Variants in KIAA0319L observed in about 807,000 individuals in gnomAD.
KIAA0319L encodes the protein dyslexia-associated protein KIAA0319-like protein.
A neutral mutation model predicts 120.1 loss-of-function variants in KIAA0319L; 55 were observed. That is an observed-to-expected ratio of 0.46 (90% CI 0.37 to 0.57). KIAA0319L has a LOEUF of 0.57. Among genes scored for constraint, KIAA0319L ranks in the 20% least tolerant of loss-of-function variants. KIAA0319L has a pLI of 0.00. For missense variants in KIAA0319L, 1,049 were observed against 1,255.3 expected, an observed-to-expected ratio of 0.84 and a Z score of 2.48; for synonymous variants, 398 against 471.9, an observed-to-expected ratio of 0.84 and a Z score of 2.03.
At chr1:35,511,575 A>C (rs1030278595) in intron 2 of KIAA0319L, 7 of 152,166 alleles carry the variant, frequency 4.6e-5, no homozygotes, top group African/African-American at 7.2e-5. Flanking sequence ...ACAAAAGATA[A>C]AAATTACTAA....
Position 35,442,313 on chromosome 1 carries a change from T to G in KIAA0319L, c.2803A>C (p.Ile935Leu), listed in dbSNP as rs1570609757. 4 of 1,613,816 alleles carry G rather than the reference T, an allele frequency of 2.5e-6. No homozygotes were observed. The East Asian group carries it at 8.9e-5, about 36-fold the overall frequency. ...GCAACAACAATGACAAAGGTAGCAA[T>G]GATAACATATAACACGCTCCACTCT... ...NCEWSVLYVI[I>L]ATFVIVVALG... The change falls in exon 19 of 21, where the codon ATT becomes CTT. Residue 935 changes from isoleucine (I) to leucine (L), a missense_variant. Physicochemically the swap from Ile to Leu is conservative, Grantham distance 5. Coordinates refer to ENST00000325722, the MANE Select transcript of KIAA0319L (RefSeq NM_024874.5).
intron 2 of KIAA0319L, among the ~76,000 whole-genome samples, chr1:35,544,600 A>G (rs1646914651): frequency 2.0e-5 from 3 of 152,198 alleles, no homozygotes; most frequent in Admixed American, 6.5e-5. Context: ...GTTCCCTAAC[A>G]TGTATATTCC....
chr1:35,449,795 G>T (rs1412997507), intron 15 of KIAA0319L, 72 bp downstream of exon 15: 2 of 1,536,146 alleles, frequency 1.3e-6, no homozygotes, highest in African/African-American at 2.7e-5. Context: ...CTCGGGGAAG[G>T]GGATCTCAGG....
intron 20 of KIAA0319L, among the ~76,000 whole-genome samples, chr1:35,438,381 A>G (rs1640946792): frequency 6.6e-6 from 1 of 152,088 alleles, no homozygotes; most frequent in Non-Finnish European, 1.5e-5. Context: ...TGGCCAGCAG[A>G]CCACTAACCT....
At chr1:35,470,809 G>C (rs1463626731) in intron 6 of KIAA0319L, 54 bp downstream of exon 6, 2 of 1,070,616 alleles carry the variant, frequency 1.9e-6, no homozygotes, top group African/African-American at 3.1e-5. Context: ...ATTCATTTTA[G>C]AAAACAGTCA....
chr1:35,456,212 G>A lies in KIAA0319L; in HGVS notation c.1457C>T (p.Thr486Ile). 6.2e-7 allele frequency: 1 copy of A among 1,604,538 alleles called. No homozygotes were observed. Among genetic ancestry groups the A allele is most frequent in the Non-Finnish European group, 8.5e-7 (1 of 1,174,484 alleles). Residue 486 changes from threonine (T) to isoleucine (I), a missense_variant, in exon 10 of 21, where the codon ACC (threonine) becomes ATC (isoleucine). Thr to Ile is a moderately conservative substitution (Grantham distance 89, BLOSUM62 -1). Coordinates refer to ENST00000325722, the MANE Select transcript of KIAA0319L (RefSeq NM_024874.5). The stretch of plus-strand genomic sequence containing the variant: ...TGTCAGGTTTGCAGTAGTAGAGTTG[G>A]TAGCTCCATCAGAGTCTACTACAGT... ...SLTVVDSDGA[T>I]NSTTANLTVN...
intron 6 of KIAA0319L, among the ~76,000 whole-genome samples, chr1:35,469,673 T>C (rs977330417): frequency 3.3e-5 from 5 of 151,910 alleles, no homozygotes; most frequent in East Asian, 3.9e-4. Context: ...CAAGGCTTCA[T>C]TGACCCTCTG....
chr1:35,510,627 G>T (rs552463543), intron 2 of KIAA0319L: 16 of 144,732 alleles, frequency 1.1e-4, no homozygotes, highest in African/African-American at 4.3e-4. Context: ...TATTTATTTA[G>T]AGACAGGTTC....
At chr1:35,471,430 A>AT (rs147259775) in intron 5 of KIAA0319L, among the ~76,000 whole-genome samples, 123 of 152,354 alleles carry the variant, frequency 8.1e-4, no homozygotes, top group African/African-American at 2.8e-3. Flanking sequence ...TGAGGTCATC[A>AT]CACCCTGGTG....
chr1:35,555,914 T>C (rs1337908684), intron 1 of KIAA0319L, among the ~76,000 whole-genome samples: 1 of 152,222 alleles, frequency 6.6e-6, no homozygotes, highest in African/African-American at 2.4e-5. Flanking sequence ...CCATGTCTAA[T>C]AAATCTTGCG....
intron 3 of KIAA0319L, among the ~76,000 whole-genome samples, chr1:35,498,471 C>G (rs1644892177): frequency 6.6e-6 from 1 of 152,054 alleles, no homozygotes; most frequent in South Asian, 2.1e-4. Flanking sequence ...CTGAACAAAC[C>G]TGTTTCTTCT....
chr1:35,539,200 C>A (rs897299155), intron 2 of KIAA0319L, among the ~76,000 whole-genome samples: 1 of 152,156 alleles, frequency 6.6e-6, no homozygotes, highest in African/African-American at 2.4e-5. Flanking sequence ...AGGTAGCAAC[C>A]CCCACATGAA....
chr1:35,489,533 T>C (rs1230153105), intron 3 of KIAA0319L, among the ~76,000 whole-genome samples: 1 of 152,138 alleles, frequency 6.6e-6, no homozygotes, highest in Non-Finnish European at 1.5e-5. Context: ...AGAAGAGTGC[T>C]ATACAGAGAC....
intron 11 of KIAA0319L, among the ~76,000 whole-genome samples, chr1:35,454,054 T>C (rs1254976428): frequency 6.6e-6 from 1 of 152,178 alleles, no homozygotes; most frequent in Non-Finnish European, 1.5e-5. Context: ...AAGTAATTGC[T>C]ATTGAAAGGA....
intron 5 of KIAA0319L, among the ~76,000 whole-genome samples, chr1:35,471,248 T>C (rs578112124): frequency 6.6e-6 from 1 of 152,322 alleles, no homozygotes; most frequent in Admixed American, 6.5e-5. Flanking sequence ...AGGTTGCTCA[T>C]GGTGTGGCAT....
intron 14 of KIAA0319L, among the ~76,000 whole-genome samples, 162 bp from the exon 15 acceptor site, chr1:35,450,167 C>G (rs1224740924): frequency 6.6e-6 from 1 of 152,158 alleles, no homozygotes; most frequent in Non-Finnish European, 1.5e-5. Context: ...CTGCTAGGAT[C>G]AGGGAAGGGA....
chr1:35,550,918 A>G (rs1647176614), intron 2 of KIAA0319L, among the ~76,000 whole-genome samples: 1 of 152,128 alleles, frequency 6.6e-6, no homozygotes, highest in African/African-American at 2.4e-5. Context: ...CCATGTGGAG[A>G]TGCAAAGATT....
chr1:35,552,728 A>C (rs911927171), intron 2 of KIAA0319L, among the ~76,000 whole-genome samples: 3 of 152,098 alleles, frequency 2.0e-5, no homozygotes, highest in African/African-American at 7.2e-5. Context: ...CAGGAGTTCG[A>C]GACCAACCTG....
intron 5 of KIAA0319L, among the ~76,000 whole-genome samples, chr1:35,474,387 G>A (rs758307169): frequency 3.3e-5 from 5 of 152,174 alleles, no homozygotes; most frequent in Non-Finnish European, 7.4e-5. Context: ...TGAGATAGTA[G>A]ATAAGTTACC....
Sources: gnomAD v4.1 joint callset for allele counts (sites outside exome capture counted in the v4.1 genomes callset) on GRCh38, gnomAD v4.1.1 for gene constraint, MANE v1.5 for transcripts, NCBI Gene and HGNC (gene_info 2026-07-23, HGNC 2026-07-21) for gene names.